GRIK3: variants seen among roughly 807,000 people sequenced by gnomAD.
GRIK3 encodes the protein glutamate ionotropic receptor kainate type subunit 3.
GRIK3 carries 29 observed loss-of-function variants against 102.5 expected under a neutral mutation model. The observed-to-expected ratio is 0.28, with a 90% CI of 0.21 to 0.39. GRIK3 has a LOEUF of 0.39. Ranked by LOEUF, GRIK3 falls within the 10% of genes least tolerant of loss-of-function variation. The pLI is 1.00. For missense variants in GRIK3, 908 were observed against 1,252.4 expected (o/e 0.73, Z 4.15); for synonymous variants, 511 against 504.9 (o/e 1.01, Z -0.16).
chr1:37,009,979 G>A (rs190677021), intron 1 of GRIK3, among the ~76,000 whole-genome samples: 97 of 152,276 alleles, frequency 6.4e-4, no homozygotes, highest in Non-Finnish European at 2.8e-4. Context: ...GGGAGGCCTC[G>A]GCACCAACAC....
chr1:36,805,200 C>A lies in GRIK3; in HGVS notation c.2352G>T (p.Leu784=), dbSNP rs535722062. 1.9e-6 allele frequency: 3 copies of A among 1,613,764 alleles called. No individual in the cohort carries two copies. The highest frequency in any genetic ancestry group is 1.3e-5 in the African/African-American group (1 of 75,068). Reference sequence around the variant, plus strand: ...GCAGCTTGTCCTCCTCCTGAAGCTGCAGGATGGCGATGGTGATCTTGTCCC... The same window carrying A: ...GCAGCTTGTCCTCCTCCTGAAGCTGAAGGATGGCGATGGTGATCTTGTCCC... The part of the protein sequence containing the change: ...PYRDKITIAI[L]QLQEEDKLHI... Residue 784 remains leucine (L), a synonymous_variant, in exon 15 of 16, where the codon CTG becomes CTT. Coordinates refer to ENST00000373091, the MANE Select transcript of GRIK3 (RefSeq NM_000831.4).
chr1:36,943,860 G>A (rs950452465), intron 1 of GRIK3, among the ~76,000 whole-genome samples: 6 of 152,208 alleles, frequency 3.9e-5, no homozygotes, highest in South Asian at 2.1e-4. Flanking sequence ...TCTCTGCCCC[G>A]TGCTGCCCAA....
intron 1 of GRIK3, among the ~76,000 whole-genome samples, chr1:36,949,946 C>G (rs500133): frequency 2.6e-5 from 4 of 152,094 alleles, no homozygotes; most frequent in African/African-American, 4.8e-5. Context: ...AGTGGTCAAG[C>G]AACCTTCCCA....
chr1:36,825,487 G>T, intron 11 of GRIK3, 116 bp downstream of exon 11: 1 of 622,624 alleles, frequency 1.6e-6, no homozygotes. Flanking sequence ...AGAGGAGTGG[G>T]TACAGCAGTG....
intron 3 of GRIK3, among the ~76,000 whole-genome samples, chr1:36,874,394 C>A (rs1323631179): frequency 6.6e-6 from 1 of 152,174 alleles, no homozygotes; most frequent in Non-Finnish European, 1.5e-5. Flanking sequence ...GAACCCCCAG[C>A]CCACTGAAGA....
In GRIK3 at chr1:36,805,001, C is replaced by T. The variant is rs771653666; in HGVS notation, c.2551G>A (p.Ala851Thr). 6.2e-7 allele frequency: 1 copy of T among 1,614,214 alleles called. No individual in the cohort carries two copies. Among genetic ancestry groups the T allele is most frequent in the East Asian group, 2.2e-5 (1 of 44,880 alleles). Residue 851 changes from alanine (A) to threonine (T), a missense_variant, in exon 15 of 16, where the codon GCA (alanine) becomes ACA (threonine). Ala to Thr is a moderately conservative substitution (Grantham distance 58). Transcript: ENST00000373091. ...CTAAGGCTTACCTGCTCTCTCTCTG[C>T]TGTTTTGCGGAGCTTGTACACAAAC... The part of the protein sequence containing the change: ...GEFVYKLRKT[A>T]EREQRSFCST...
At chr1:36,914,041 C>G (rs1461112368) in intron 1 of GRIK3, among the ~76,000 whole-genome samples, 2 of 152,276 alleles carry the variant, frequency 1.3e-5, no homozygotes, top group African/African-American at 2.4e-5. Context: ...GTCCCTGTCT[C>G]TAGCTCCTTG....
chr1:36,816,978 A>T, intron 13 of GRIK3, 82 bp downstream of exon 13: 1 of 939,550 alleles, frequency 1.1e-6, no homozygotes, highest in Non-Finnish European at 1.7e-6. Flanking sequence ...GGAAGGACAG[A>T]GACCCCCTTT....
intron 13 of GRIK3, among the ~76,000 whole-genome samples, 197 bp downstream of exon 13, chr1:36,816,863 C>T (rs1388816256): frequency 3.9e-5 from 6 of 152,200 alleles, no homozygotes; most frequent in African/African-American, 7.2e-5. Flanking sequence ...GGATTTGTGT[C>T]GAGGCCAACC....
intron 1 of GRIK3, among the ~76,000 whole-genome samples, chr1:37,001,333 C>T (rs1318564528): frequency 6.6e-6 from 1 of 152,212 alleles, no homozygotes; most frequent in African/African-American, 2.4e-5. Flanking sequence ...TTGTATTTGG[C>T]AGTTGTCCTC....
At chr1:37,011,780 G>A (rs950540630) in intron 1 of GRIK3, among the ~76,000 whole-genome samples, 2 of 152,166 alleles carry the variant, frequency 1.3e-5, no homozygotes, top group African/African-American at 4.8e-5. Flanking sequence ...GGAAGACCAT[G>A]GGCCTGTTAT....
At chr1:37,018,798 T>C (rs1642679979) in intron 1 of GRIK3, among the ~76,000 whole-genome samples, 2 of 152,000 alleles carry the variant, frequency 1.3e-5, no homozygotes, top group Admixed American at 1.3e-4. Context: ...GATAAAGAAA[T>C]TGATTATTCC....
chr1:36,832,955 C>T (rs1437384132), intron 10 of GRIK3, among the ~76,000 whole-genome samples: 2 of 152,210 alleles, frequency 1.3e-5, no homozygotes, highest in African/African-American at 4.8e-5. Context: ...AGCCCCCGCA[C>T]TGCTCCTCCG....
chr1:36,988,173 C>T (rs1642326326), intron 1 of GRIK3, among the ~76,000 whole-genome samples: 1 of 152,232 alleles, frequency 6.6e-6, no homozygotes, highest in Non-Finnish European at 1.5e-5. Flanking sequence ...TGCCTGGGAT[C>T]TCAGCTACTC....
At chr1:36,829,113 T>G (rs894333244) in intron 10 of GRIK3, among the ~76,000 whole-genome samples, 14 of 152,254 alleles carry the variant, frequency 9.2e-5, no homozygotes, top group African/African-American at 3.4e-4. Flanking sequence ...GCTGGAGTTC[T>G]CCACTGCGTT....
intron 1 of GRIK3, among the ~76,000 whole-genome samples, chr1:36,893,730 A>G (rs1641143472): frequency 6.6e-6 from 1 of 152,236 alleles, no homozygotes; most frequent in Admixed American, 6.5e-5. Context: ...CATATGGATC[A>G]TGTATGGGGA....
In GRIK3 at chr1:36,817,165, G is replaced by A. The variant is rs780683924; in HGVS notation, c.1986C>T (p.Thr662=). The part of the protein sequence containing the change: ...SYTANLAAFL[T]VERMESPIDS... The stretch of plus-strand genomic sequence containing the variant: ...CAATGGGTGATTCCATGCGCTCCAC[G>A]GTCAGAAAGGCAGCCAGGTTGGCCG... The change falls in exon 13 of 16, where the codon ACC becomes ACT. Residue 662 remains threonine, a synonymous_variant. Transcript: ENST00000373091. The A allele has an allele frequency of 2.2e-4, 353 of 1,613,886 alleles. 1 individual carries two copies. The highest frequency in any genetic ancestry group is 2.9e-4 in the Non-Finnish European group (338 of 1,179,944).
Position 36,871,761 on chromosome 1 carries a change from G to T in GRIK3, c.732+427C>A, listed in dbSNP as rs1640846284. Among the ~76,000 whole-genome samples, 2 of 152,188 alleles carry T rather than the reference G, an allele frequency of 1.3e-5. 1 individual carries two copies. Among genetic ancestry groups the T allele is most frequent in the African/African-American group, 4.8e-5 (2 of 41,446 alleles). ...TAACACCAAGTGCCGTGGGCTACGG[G>T]GAATTAGTCACTGGAAGAGGCGGTG... is the stretch of plus-strand genomic sequence containing the variant. On this transcript the variant is annotated intron_variant, in intron 4 of 15. Coordinates refer to ENST00000373091, the MANE Select transcript of GRIK3 (RefSeq NM_000831.4).
At chr1:36,847,791 G>A (rs2124223505) in intron 9 of GRIK3, among the ~76,000 whole-genome samples, 1 of 152,326 alleles carries the variant, frequency 6.6e-6, no homozygotes, top group African/African-American at 2.4e-5. Context: ...CACCCCAAAG[G>A]TCTGTGCTTT....
Sources: allele counts gnomAD v4.1 joint callset (sites outside exome capture counted in the v4.1 genomes callset), GRCh38; gene constraint gnomAD v4.1.1; transcripts MANE v1.5; gene names NCBI Gene and HGNC (gene_info 2026-07-23, HGNC 2026-07-21).